Variants in MYOF observed in about 807,000 individuals in gnomAD.
MYOF encodes myoferlin, also known as fer-1-like 3, myoferlin.
In MYOF, 244 loss-of-function variants were observed where a neutral mutation model predicts 284.2. The observed-to-expected ratio is 0.86, with a 90% confidence interval of 0.77 to 0.95. MYOF has a LOEUF of 0.95. Ranked by LOEUF, MYOF falls within the 40% of genes least tolerant of loss-of-function variation. The probability of loss-of-function intolerance (pLI) is 0.00; values close to 1 mark genes in which losing one functional copy is unlikely to be tolerated. For missense variants in MYOF, 2,496 were observed against 2,560.6 expected (o/e 0.97, Z 0.54); for synonymous variants, 904 against 919.7 (o/e 0.98, Z 0.31).
intron 3 of MYOF, among the ~76,000 whole-genome samples, chr10:93,435,910 A>G (rs1849096733): frequency 1.3e-5 from 2 of 150,970 alleles, no homozygotes; most frequent in African/African-American, 4.9e-5. Context: ...TCTCAAAAAT[A>G]ATAATAATAA....
chr10:93,438,889 G>A (rs1401377819), intron 3 of MYOF, among the ~76,000 whole-genome samples: 1 of 152,072 alleles, frequency 6.6e-6, no homozygotes, highest in Non-Finnish European at 1.5e-5. Context: ...AGGAACTTCC[G>A]CTCCTGACTC....
At chr10:93,360,120 T>C (rs1481224182) in intron 28 of MYOF, 142 bp from the exon 29 acceptor site, 1 of 1,051,392 alleles carries the variant, frequency 9.5e-7, no homozygotes, top group Non-Finnish European at 1.4e-6. Flanking sequence ...GTTTTCACTT[T>C]GCTGGGTTAT....
intron 3 of MYOF, among the ~76,000 whole-genome samples, chr10:93,439,661 C>G (rs1193038004): frequency 6.6e-6 from 1 of 152,216 alleles, no homozygotes; most frequent in Admixed American, 6.5e-5. Context: ...GGGATAATGA[C>G]AGCTCCTACT....
intron 29 of MYOF, 89 bp downstream of exon 29, chr10:93,359,744 A>T: frequency 1.3e-6 from 2 of 1,553,276 alleles, no homozygotes; most frequent in Middle Eastern, 2.3e-4. Flanking sequence ...ATTTGCAAAT[A>T]ATTTCTGCAG....
At position 93,351,365 on chromosome 10, in the gene MYOF, C is replaced by A. The variant is rs752731811; in HGVS notation, c.3822+48G>T. The A allele has an allele frequency of 2.5e-6, 4 of 1,609,636 alleles. No individual in the cohort carries two copies. The Admixed American group carries it at 5.0e-5, about 20-fold the overall frequency. ...GCAAACAGTGCCTAGAATTAACATGCATTTTAAGCAGCTGACAGAATACAT... is the reference window on the plus strand; with the variant it reads ...GCAAACAGTGCCTAGAATTAACATGAATTTTAAGCAGCTGACAGAATACAT... On this transcript the variant is annotated intron_variant, in intron 34 of 53. Coordinates refer to ENST00000359263, the MANE Select transcript of MYOF (RefSeq NM_013451.4).
rs558729918 is a variant in MYOF, at chr10:93,437,578, T to C, written c.237-6062A>G. The stretch of plus-strand genomic sequence containing the variant: ...GTTGCACTGTTTCTGCCTCTAGAGA[T>C]CGCAGCACGGTCTCAACTTCCCGAC... On this transcript the variant is annotated intron_variant, in intron 3 of 53. Transcript: ENST00000359263. 2.3e-3 allele frequency among the ~76,000 whole-genome samples: 356 copies of C among 152,266 alleles called. 2 individuals are homozygous for C. Among genetic ancestry groups the C allele is most frequent in the Non-Finnish European group, 4.1e-4 (28 of 68,004 alleles).
chr10:93,429,820 T>C (rs911747913), intron 4 of MYOF, among the ~76,000 whole-genome samples: 3 of 152,224 alleles, frequency 2.0e-5, no homozygotes, highest in Admixed American at 6.5e-5. Context: ...GTGCTTCTTA[T>C]TAATTATATG....
chr10:93,347,039 G>A (rs534910961), intron 37 of MYOF, among the ~76,000 whole-genome samples: 25 of 152,160 alleles, frequency 1.6e-4, no homozygotes, highest in African/African-American at 5.8e-4. Context: ...ATTCACCCAG[G>A]AGCAGGACGC....
rs1463323057 is a variant in MYOF at position 93,373,710 on chromosome 10, A to G, written c.2302-625T>C. Among the ~76,000 whole-genome samples, 5 of 152,252 alleles carry G rather than the reference A, an allele frequency of 3.3e-5. 1 individual carries two copies. In the East Asian group the frequency reaches 9.7e-4, roughly 29 times the overall value. ...TTTTTCAAGCGTATTTCTACCCACA[A>G]ATATATGACTACCTACCCAACCCTC... On this transcript the variant is annotated intron_variant, in intron 23 of 53. Transcript: ENST00000359263.
chr10:93,327,981 G>A (rs1037736441), intron 45 of MYOF, among the ~76,000 whole-genome samples: 3 of 152,004 alleles, frequency 2.0e-5, no homozygotes, highest in African/African-American at 7.3e-5. Flanking sequence ...TGTTGGTCAG[G>A]CTGGTCTTGA....
intron 43 of MYOF, among the ~76,000 whole-genome samples, chr10:93,331,571 C>T (rs1258974830): frequency 6.6e-6 from 1 of 152,126 alleles, no homozygotes; most frequent in Non-Finnish European, 1.5e-5. Context: ...TCCTGCCCTG[C>T]GTGCCTTTTC....
chr10:93,306,812 T>A lies in MYOF; in HGVS notation c.*151A>T, dbSNP rs1842119981. The A allele has an allele frequency of 1.3e-6, 1 of 788,638 alleles. No individual in the cohort carries two copies. Among genetic ancestry groups the A allele is most frequent in the African/African-American group, 1.8e-5 (1 of 56,554 alleles). 48.9% of individuals were successfully genotyped at this position (788,638 alleles called of 1,614,324 possible). The stretch of plus-strand genomic sequence containing the variant: ...GCTTGTTGGCCTGACTTTCCAGGAC[T>A]AAGACCCTCTGGGAATCAATGGGGC... On this transcript the variant is annotated 3_prime_UTR_variant, in exon 54 of 54. Transcript: ENST00000359263.
At chr10:93,310,453 T>A in intron 52 of MYOF, 81 bp downstream of exon 52, 6 of 1,377,598 alleles carry the variant, frequency 4.4e-6, no homozygotes, top group African/African-American at 1.4e-5. Context: ...CAAAAGCTAA[T>A]CCATCCCATT....
intron 40 of MYOF, 56 bp from the exon 41 acceptor site, chr10:93,336,102 AT>A (rs1843595805): frequency 6.3e-7 from 1 of 1,581,482 alleles, no homozygotes; most frequent in Non-Finnish European, 8.6e-7. Flanking sequence ...AAGGTCTAAA[AT>A]CAAAAGGGCT....
chr10:93,399,613 C>T (rs763056342), intron 12 of MYOF, 118 bp from the exon 13 acceptor site: 1 of 659,772 alleles, frequency 1.5e-6, no homozygotes, highest in Non-Finnish European at 2.6e-6. Context: ...GTGGCTCATG[C>T]CTGTAATCCC....
At chr10:93,356,572 A>G in intron 30 of MYOF, 103 bp downstream of exon 30, 1 of 1,269,916 alleles carries the variant, frequency 7.9e-7, no homozygotes, top group South Asian at 1.4e-5. Context: ...ATCTTATAGT[A>G]CCAGGGTTAC....
chr10:93,426,884 CT>C (rs1169014883), intron 4 of MYOF, among the ~76,000 whole-genome samples: 100 of 104,750 alleles, frequency 9.5e-4, no homozygotes, highest in East Asian at 7.0e-3. Flanking sequence ...ACGAGACTGT[CT>C]TTTTTTTTTT....
intron 36 of MYOF, 133 bp from the exon 37 acceptor site, chr10:93,347,915 T>A (rs1844308606): frequency 7.9e-6 from 7 of 888,558 alleles, no homozygotes; most frequent in Non-Finnish European, 1.1e-5. Context: ...CAGTTACTCA[T>A]GTGCCAGGCA....
intron 21 of MYOF, among the ~76,000 whole-genome samples, 162 bp downstream of exon 21, chr10:93,379,701 A>G (rs1846022147): frequency 1.3e-5 from 2 of 152,258 alleles, no homozygotes; most frequent in South Asian, 4.1e-4. Flanking sequence ...GAACCTCCAT[A>G]CTAACTTAGG....
Sources: gnomAD v4.1 joint callset for allele counts (sites outside exome capture counted in the v4.1 genomes callset) on GRCh38, gnomAD v4.1.1 for gene constraint, MANE v1.5 for transcripts, NCBI Gene and HGNC (gene_info 2026-07-23, HGNC 2026-07-21) for gene names.